EBF1: variants seen among roughly 807,000 people sequenced by gnomAD.
EBF1 encodes the protein transcription factor COE1.
In EBF1, 10 loss-of-function variants were observed where a neutral mutation model predicts 68.4. The ratio of observed to expected loss-of-function variants is 0.15; its 90% CI spans 0.09 to 0.25. The LOEUF (loss-of-function observed/expected upper bound fraction) is 0.25, where lower values mean the gene tolerates loss of function less well. EBF1 is among the 10% of genes least tolerant of loss of function. The pLI is 1.00. For synonymous variants in EBF1, 298 were observed against 299.8 expected (o/e 0.99, Z 0.06); for missense variants, 509 against 794.4 (o/e 0.64, Z 4.32).
chr5:158,836,213 G>A (rs1236646734), intron 7 of EBF1, among the ~76,000 whole-genome samples: 21 of 152,204 alleles, frequency 1.4e-4, no homozygotes, highest in Admixed American at 1.4e-3. Flanking sequence ...TGGACAGTTA[G>A]ATCTAAACCT....
intron 6 of EBF1, among the ~76,000 whole-genome samples, chr5:158,875,729 A>G (rs1341064194): frequency 6.6e-6 from 1 of 152,250 alleles, no homozygotes; most frequent in African/African-American, 2.4e-5. Flanking sequence ...TGCTATTTGA[A>G]TAAGAGTTAA....
rs571715866 is a variant in EBF1 at position 158,901,219 on chromosome 5, C to T, written c.555-61109G>A. Among the ~76,000 whole-genome samples the T allele has an allele frequency of 2.0e-5, 3 of 152,306 alleles. No individual in the cohort carries two copies. In the East Asian group the frequency reaches 5.8e-4, roughly 29 times the overall value. On this transcript the variant is annotated intron_variant, in intron 6 of 15. Transcript: ENST00000313708. ...TCATACATCTTATCAGACATTTGAA[C>T]CTACTTTCTCCATTGGGTTGACAGT...
intron 8 of EBF1, among the ~76,000 whole-genome samples, chr5:158,801,007 A>G (rs2127760155): frequency 6.6e-6 from 1 of 152,202 alleles, no homozygotes; most frequent in African/African-American, 2.4e-5. Flanking sequence ...CAGTGACCCA[A>G]TTTCTGGTTT....
chr5:158,913,267 A>C (rs1253219958), intron 6 of EBF1, among the ~76,000 whole-genome samples: 1 of 152,212 alleles, frequency 6.6e-6, no homozygotes, highest in African/African-American at 2.4e-5. Flanking sequence ...CAAAGTAATC[A>C]GTGAAATTAA....
chr5:158,795,999 C>G (rs1422527330), intron 9 of EBF1, among the ~76,000 whole-genome samples: 1 of 152,144 alleles, frequency 6.6e-6, no homozygotes, highest in Non-Finnish European at 1.5e-5. Context: ...TACACCCTTG[C>G]TAAAACTTGA....
At chr5:159,085,280 T>A (rs575635778) in intron 4 of EBF1, among the ~76,000 whole-genome samples, 2 of 152,226 alleles carry the variant, frequency 1.3e-5, no homozygotes, top group South Asian at 4.1e-4. Context: ...CCTCTTCCCA[T>A]CAACAGGCTG....
At chr5:158,747,174 G>T (rs1392131905) in intron 10 of EBF1, among the ~76,000 whole-genome samples, 1 of 152,180 alleles carries the variant, frequency 6.6e-6, no homozygotes, top group Non-Finnish European at 1.5e-5. Context: ...CTAGTCAACA[G>T]CTGAATCACA....
chr5:158,900,208 G>A (rs948219798), intron 6 of EBF1, among the ~76,000 whole-genome samples: 3 of 152,148 alleles, frequency 2.0e-5, no homozygotes, highest in African/African-American at 4.8e-5. Flanking sequence ...TCCCTCTGGG[G>A]TTATATTTTA....
chr5:159,085,283 A>G (rs892638535), intron 4 of EBF1, among the ~76,000 whole-genome samples: 4 of 152,172 alleles, frequency 2.6e-5, no homozygotes, highest in Non-Finnish European at 4.4e-5. Flanking sequence ...CTTCCCATCA[A>G]CAGGCTGAGA....
chr5:158,732,752 G>A (rs1360469391), intron 10 of EBF1, among the ~76,000 whole-genome samples: 2 of 152,014 alleles, frequency 1.3e-5, no homozygotes, highest in Non-Finnish European at 2.9e-5. Flanking sequence ...TGAACTTTAG[G>A]TAACTTTTTA....
intron 6 of EBF1, among the ~76,000 whole-genome samples, chr5:159,050,243 C>T (rs1207681156): frequency 6.7e-6 from 1 of 148,532 alleles, no homozygotes; most frequent in Admixed American, 6.8e-5. Flanking sequence ...TCTCTCTCTC[C>T]TCTCCTCCCT....
intron 1 of EBF1, among the ~76,000 whole-genome samples, chr5:159,098,256 GGT>G (rs1783009419): frequency 6.6e-6 from 1 of 152,200 alleles, no homozygotes. Flanking sequence ...AAGAGCCTTG[GGT>G]GTGCCCAGGA....
At chr5:158,933,133 G>A (rs1281844344) in intron 6 of EBF1, among the ~76,000 whole-genome samples, 6 of 151,722 alleles carry the variant, frequency 4.0e-5, no homozygotes, top group South Asian at 4.2e-4. Flanking sequence ...ACATACATAC[G>A]GGGTATCACT....
chr5:158,974,908 T>G lies in EBF1; in HGVS notation c.554+98488A>C, dbSNP rs542661152. ...TCTAACAAAGGGTCTTCGATGCACC[T>G]CTCTGTCCTGCCCCAAAGGCTGACA... is the stretch of plus-strand genomic sequence containing the variant. On this transcript the variant is annotated intron_variant, in intron 6 of 15. Coordinates refer to ENST00000313708, the MANE Select transcript of EBF1 (RefSeq NM_024007.5). Among the ~76,000 whole-genome samples, 9 of 152,300 alleles carry G rather than the reference T, an allele frequency of 5.9e-5. No individual in the cohort carries two copies. The East Asian group carries it at 1.7e-3, about 29-fold the overall frequency.
intron 6 of EBF1, among the ~76,000 whole-genome samples, chr5:158,918,817 G>A (rs1279358607): frequency 6.6e-6 from 1 of 152,234 alleles, no homozygotes; most frequent in Non-Finnish European, 1.5e-5. Flanking sequence ...ATTAGGGCAA[G>A]TTACTGTCCA....
chr5:158,900,809 A>G (rs1481841479), intron 6 of EBF1, among the ~76,000 whole-genome samples: 1 of 152,238 alleles, frequency 6.6e-6, no homozygotes, highest in Non-Finnish European at 1.5e-5. Flanking sequence ...ATTCTACAGA[A>G]GAGGAAAGTA....
chr5:158,947,608 G>T (rs978425873), intron 6 of EBF1, among the ~76,000 whole-genome samples: 3 of 152,220 alleles, frequency 2.0e-5, no homozygotes, highest in African/African-American at 7.2e-5. Flanking sequence ...GGTCTCACTG[G>T]GAGCTGCAGA....
At chr5:158,738,149 T>C (rs1259763803) in intron 10 of EBF1, among the ~76,000 whole-genome samples, 7 of 152,188 alleles carry the variant, frequency 4.6e-5, no homozygotes, top group Admixed American at 3.3e-4. Flanking sequence ...TATAAAAATA[T>C]AGATTATATA....
At chr5:158,814,049 T>A (rs1454473768) in intron 8 of EBF1, among the ~76,000 whole-genome samples, 2 of 152,134 alleles carry the variant, frequency 1.3e-5, no homozygotes, top group Non-Finnish European at 2.9e-5. Context: ...ACAAAAAAAA[T>A]TAGGCTTAAA....
Sources: allele counts gnomAD v4.1 joint callset (sites outside exome capture counted in the v4.1 genomes callset), GRCh38; gene constraint gnomAD v4.1.1; transcripts MANE v1.5; gene names NCBI Gene and HGNC (gene_info 2026-07-23, HGNC 2026-07-21).